RUNDC3B: variants seen among roughly 807,000 people sequenced by gnomAD.
The protein encoded by RUNDC3B is RUN domain containing 3B, also known as RUN domain-containing protein 3B.
RUNDC3B carries 33 observed loss-of-function variants against 58.4 expected under a neutral mutation model. The observed-to-expected ratio is 0.56, with a 90% CI of 0.43 to 0.75. The LOEUF (loss-of-function observed/expected upper bound fraction) is 0.75. RUNDC3B is among the 30% of genes least tolerant of loss of function. RUNDC3B has a pLI of 0.00. For missense variants in RUNDC3B, 501 were observed against 535.7 expected (o/e 0.94, Z 0.64); for synonymous variants, 193 against 195.2 (o/e 0.99, Z 0.10).
chr7:87,726,877 G>C (rs1027898152), intron 4 of RUNDC3B, among the ~76,000 whole-genome samples: 7 of 151,986 alleles, frequency 4.6e-5, no homozygotes, highest in South Asian at 2.1e-4. Flanking sequence ...CTCATGATTT[G>C]GCTCTCTGTT....
intron 8 of RUNDC3B, among the ~76,000 whole-genome samples, chr7:87,802,360 A>G (rs1836211757): frequency 6.6e-6 from 1 of 152,092 alleles, no homozygotes; most frequent in African/African-American, 2.4e-5. Context: ...GTGCTACTGC[A>G]CTCCAGCCTG....
chr7:87,715,942 A>T (rs1830531163), intron 4 of RUNDC3B, among the ~76,000 whole-genome samples: 1 of 152,166 alleles, frequency 6.6e-6, no homozygotes, highest in Admixed American at 6.6e-5. Flanking sequence ...AGTAACGGAA[A>T]TAAAGACAGG....
intron 4 of RUNDC3B, among the ~76,000 whole-genome samples, chr7:87,722,994 G>GT (rs1480093154): frequency 6.6e-6 from 1 of 152,050 alleles, no homozygotes; most frequent in African/African-American, 2.4e-5. Flanking sequence ...GTTCCATATT[G>GT]TTTTTTTCTG....
chr7:87,687,993 CAT>C (rs1827640095), intron 2 of RUNDC3B, among the ~76,000 whole-genome samples: 1 of 152,238 alleles, frequency 6.6e-6, no homozygotes, highest in Non-Finnish European at 1.5e-5. Context: ...TCTGTAGTAA[CAT>C]ATGAACACAA....
intron 8 of RUNDC3B, among the ~76,000 whole-genome samples, chr7:87,801,622 A>G (rs989740331): frequency 6.6e-6 from 1 of 152,062 alleles, no homozygotes; most frequent in Non-Finnish European, 1.5e-5. Context: ...AAAAAAAATT[A>G]GCTGGGCGTT....
intron 4 of RUNDC3B, among the ~76,000 whole-genome samples, chr7:87,737,529 T>G (rs1208318634): frequency 6.6e-6 from 1 of 152,154 alleles, no homozygotes; most frequent in East Asian, 1.9e-4. Flanking sequence ...AAGTCTTTGA[T>G]TAAATGATAA....
intron 2 of RUNDC3B, among the ~76,000 whole-genome samples, chr7:87,653,675 C>A: frequency 6.6e-6 from 1 of 151,802 alleles, no homozygotes; most frequent in Admixed American, 6.6e-5. Flanking sequence ...CAAATGCGAG[C>A]CTAATACCAA....
At chr7:87,699,150 G>C (rs1249558115) in intron 2 of RUNDC3B, among the ~76,000 whole-genome samples, 1 of 152,088 alleles carries the variant, frequency 6.6e-6, no homozygotes, top group African/African-American at 2.4e-5. Context: ...TTGCTGACAA[G>C]AACACTTCTT....
intron 10 of RUNDC3B, among the ~76,000 whole-genome samples, chr7:87,821,423 C>T (rs144245534): frequency 0.048 from 7,367 of 152,292 alleles, 268 homozygotes; most frequent in East Asian, 0.092. Context: ...ACTCCATGCT[C>T]ATGGGTAGGA....
chr7:87,697,386 TCTGGCAG>T, intron 2 of RUNDC3B, among the ~76,000 whole-genome samples: 1 of 152,208 alleles, frequency 6.6e-6, no homozygotes. Flanking sequence ...TTGAGGGAAG[TCTGGCAG>T]CTGTAGCTCT....
chr7:87,827,206 G>T (rs527676211), intron 10 of RUNDC3B, among the ~76,000 whole-genome samples: 10 of 152,226 alleles, frequency 6.6e-5, no homozygotes, highest in African/African-American at 2.4e-4. Flanking sequence ...ACAAACAAGG[G>T]GCCAGGCATG....
At chr7:87,641,417 A>AG (rs1393439918) in intron 1 of RUNDC3B, among the ~76,000 whole-genome samples, 2 of 152,186 alleles carry the variant, frequency 1.3e-5, no homozygotes, top group Non-Finnish European at 2.9e-5. Context: ...AATCCAGACT[A>AG]GGTTTTAACC....
intron 7 of RUNDC3B, among the ~76,000 whole-genome samples, chr7:87,776,199 C>T (rs925903085): frequency 2.0e-5 from 3 of 151,886 alleles, no homozygotes; most frequent in African/African-American, 7.3e-5. Flanking sequence ...GAATTCTACT[C>T]CTAGATATAT....
At chr7:87,700,808 A>C (rs1039502120) in intron 3 of RUNDC3B, among the ~76,000 whole-genome samples, 1 of 152,198 alleles carries the variant, frequency 6.6e-6, no homozygotes, top group Admixed American at 6.5e-5. Flanking sequence ...ATTTTTATAT[A>C]ATATCAACCT....
intron 8 of RUNDC3B, 26 bp downstream of exon 8, chr7:87,777,981 G>A (rs188106968): frequency 1.9e-6 from 3 of 1,590,408 alleles, no homozygotes; most frequent in African/African-American, 1.4e-5. Flanking sequence ...TTAGAAAAAT[G>A]TTGGTAGCAT....
intron 4 of RUNDC3B, among the ~76,000 whole-genome samples, chr7:87,733,442 C>G (rs1584038983): frequency 1.3e-5 from 2 of 152,244 alleles, no homozygotes; most frequent in South Asian, 2.1e-4. Flanking sequence ...AAGTTTTACA[C>G]TATTAAGATA....
Position 87,703,885 on chromosome 7 carries a change from C to CT in RUNDC3B, c.372+3358dup. Among the ~76,000 whole-genome samples the CT allele has an allele frequency of 5.4e-3, 325 of 60,320 alleles. 3 individuals are homozygous for CT. Among genetic ancestry groups the CT allele is most frequent in the East Asian group, 0.01 (20 of 1,970 alleles). The allele number at this position is 60,320 out of a possible 152,430, so 39.6% of individuals were successfully genotyped here. A position where few individuals can be genotyped will look rare whatever the true frequency, so the allele number is the denominator to read the frequency against. ...CTTAGGTGAGCTTTATCAGTTTTTT[C>CT]TTTTTTTTTTTTTTTTTTTTTTTTT... is the stretch of plus-strand genomic sequence containing the variant. On this transcript the variant is annotated intron_variant, in intron 3 of 10. Coordinates refer to ENST00000394654, the MANE Select transcript of RUNDC3B (RefSeq NM_001134405.2).
Position 87,802,826 on chromosome 7 carries a change from G to A in RUNDC3B, c.957-4547G>A, listed in dbSNP as rs190724700. On this transcript the variant is annotated intron_variant, in intron 8 of 10. Transcript: ENST00000394654. ...TTGAGACCAGCCTGGGCAACATAGG[G>A]AGACCCCGCCTCAGCAAAGAGTGAT... Among the ~76,000 whole-genome samples, 606 of 152,164 alleles carry A rather than the reference G, an allele frequency of 4.0e-3. 2 individuals are homozygous for A. Among genetic ancestry groups the A allele is most frequent in the Admixed American group, 6.3e-3 (96 of 15,284 alleles).
chr7:87,794,651 T>C (rs1283804501), intron 8 of RUNDC3B, among the ~76,000 whole-genome samples: 3 of 151,796 alleles, frequency 2.0e-5, no homozygotes, highest in African/African-American at 7.3e-5. Flanking sequence ...CTAACATTTT[T>C]ATGGAACCAC....
Sources: allele counts gnomAD v4.1 joint callset (sites outside exome capture counted in the v4.1 genomes callset), GRCh38; gene constraint gnomAD v4.1.1; transcripts MANE v1.5; gene names NCBI Gene and HGNC (gene_info 2026-07-23, HGNC 2026-07-21).